Variants in CLDN16 observed in about 807,000 individuals in gnomAD.
The protein encoded by CLDN16 is claudin 16.
A neutral mutation model predicts 24.6 loss-of-function variants in CLDN16; 13 were observed. That is an observed-to-expected ratio of 0.53 (90% CI 0.34 to 0.84). The LOEUF is 0.84. CLDN16 is among the 40% of genes least tolerant of loss of function. CLDN16 has a pLI of 0.01. For synonymous variants in CLDN16, 116 were observed against 106.7 expected (o/e 1.09, Z -0.54); for missense variants, 298 against 292.7 (o/e 1.02, Z -0.13).
chr3:190,377,996 G>A (rs935930281), intron 3 of CLDN16, among the ~76,000 whole-genome samples: 2 of 151,922 alleles, frequency 1.3e-5, no homozygotes, highest in Admixed American at 6.6e-5. Flanking sequence ...AGTCTATATT[G>A]CATAGTGTTA....
chr3:190,397,235 A>G lies in CLDN16; in HGVS notation c.115-5102A>G, dbSNP rs546693548. The stretch of plus-strand genomic sequence containing the variant: ...CCTACCTCTCTCCATTTAGCAGGTA[A>G]TCCACTCTTCACTTTTGGGAACAAT... On this transcript the variant is annotated intron_variant, in intron 1 of 4. Coordinates refer to ENST00000264734, the MANE Select transcript of CLDN16 (RefSeq NM_006580.4). Among the ~76,000 whole-genome samples, 6 of 152,336 alleles carry G rather than the reference A, an allele frequency of 3.9e-5. No individual in the cohort carries two copies. The South Asian group carries it at 1.2e-3, about 32-fold the overall frequency.
chr3:190,301,853 C>T, the CLDN16 span, among the ~76,000 whole-genome samples: 4 of 152,152 alleles, frequency 2.6e-5, no homozygotes. Flanking sequence ...TACTTACGGT[C>T]TATTTTTCAA....
upstream of CLDN16, among the ~76,000 whole-genome samples, chr3:190,383,558 G>A (rs978142949): frequency 5.9e-5 from 9 of 152,132 alleles, no homozygotes; most frequent in African/African-American, 2.2e-4. Flanking sequence ...CGGTATCTTT[G>A]TGCTTTGAAA....
intron 1 of CLDN16, among the ~76,000 whole-genome samples, chr3:190,400,326 A>G (rs2108668154): frequency 6.6e-6 from 1 of 151,744 alleles, no homozygotes; most frequent in East Asian, 2.0e-4. Context: ...GCAACATCCG[A>G]CTCAGTGGTT....
the CLDN16 span, among the ~76,000 whole-genome samples, chr3:190,295,044 A>T: frequency 6.6e-6 from 1 of 152,132 alleles, no homozygotes; most frequent in Non-Finnish European, 1.5e-5. Flanking sequence ...TCGAAATTAT[A>T]AAAATTAAGA....
intron 1 of CLDN16, among the ~76,000 whole-genome samples, chr3:190,368,403 G>T (rs893089568): frequency 6.6e-6 from 1 of 151,944 alleles, no homozygotes; most frequent in African/African-American, 2.4e-5. Flanking sequence ...TTAGCCAACA[G>T]CTTGAGATCC....
intron 1 of CLDN16, among the ~76,000 whole-genome samples, chr3:190,353,550 A>C (rs1366351803): frequency 6.6e-6 from 1 of 152,146 alleles, no homozygotes; most frequent in African/African-American, 2.4e-5. Flanking sequence ...AGTTGTGATC[A>C]AGATGAAATA....
chr3:190,293,220 C>A, the CLDN16 span, among the ~76,000 whole-genome samples: 1 of 152,220 alleles, frequency 6.6e-6, no homozygotes, highest in South Asian at 2.1e-4. Flanking sequence ...GTAAGAGCAC[C>A]TTATAAAACT....
At chr3:190,360,150 A>T (rs1349596968) in intron 1 of CLDN16, among the ~76,000 whole-genome samples, 2 of 152,018 alleles carry the variant, frequency 1.3e-5, no homozygotes, top group East Asian at 3.9e-4. Context: ...CCAAGTATAG[A>T]TGCCCAAAGA....
chr3:190,305,250 A>T, the CLDN16 span, among the ~76,000 whole-genome samples: 1 of 152,192 alleles, frequency 6.6e-6, no homozygotes, highest in Admixed American at 6.5e-5. Context: ...TGTGTCAGTT[A>T]TTGATACTTT....
chr3:190,403,792 T>C (rs934826174), intron 2 of CLDN16, among the ~76,000 whole-genome samples: 3 of 152,184 alleles, frequency 2.0e-5, no homozygotes, highest in Admixed American at 1.3e-4. Flanking sequence ...CTTTTTCTTT[T>C]CCCCTCTCTG....
At chr3:190,367,604 C>CG (rs1312291120) in intron 1 of CLDN16, among the ~76,000 whole-genome samples, 1 of 151,918 alleles carries the variant, frequency 6.6e-6, no homozygotes. Context: ...ACAGAACATA[C>CG]GGTCTGCAAA....
At chr3:190,374,408 AG>A (rs1333015429) in intron 2 of CLDN16, 1 of 151,786 alleles carries the variant, frequency 6.6e-6, no homozygotes. Context: ...GACCAGAAAA[AG>A]TTTACAAAGG....
chr3:190,302,739 C>A, the CLDN16 span, among the ~76,000 whole-genome samples: 5 of 147,608 alleles, frequency 3.4e-5, no homozygotes, highest in African/African-American at 1.3e-4. Context: ...TCACTGGAAT[C>A]CAGCCTGAGC....
intron 1 of CLDN16, among the ~76,000 whole-genome samples, chr3:190,400,387 C>T (rs772309446): frequency 2.0e-5 from 3 of 152,078 alleles, no homozygotes; most frequent in Non-Finnish European, 2.9e-5. Context: ...CACGCACCAC[C>T]ACGCCTAGCT....
rs1273573190 is a variant in CLDN16 at position 190,408,459 on chromosome 3, CT to C, written c.533del (p.Leu178TrpfsTer26). ...WLGMAGSLGCFLAGAVLTCCL... is the reference protein window; with the variant it reads ...WLGMAGSLGCXLAGAVLTCCL... The stretch of plus-strand genomic sequence containing the variant: ...TCGGAATGGCTGGGTCTCTGGGTTG[CT>C]TTTTGGCTGGAGCTGTTCTCACCTG... On this transcript the variant is annotated frameshift_variant, in exon 4 of 5. Coordinates refer to ENST00000264734, the MANE Select transcript of CLDN16 (RefSeq NM_006580.4). LOFTEE classifies it high-confidence loss of function. The C allele has an allele frequency of 6.2e-7, 1 of 1,613,856 alleles. No individual in the cohort carries two copies. The highest frequency in any genetic ancestry group is 8.5e-7 in the Non-Finnish European group (1 of 1,179,996).
chr3:190,294,566 A>G, the CLDN16 span, among the ~76,000 whole-genome samples: 8 of 152,180 alleles, frequency 5.3e-5, no homozygotes, highest in African/African-American at 1.9e-4. Flanking sequence ...GTTTCAAAAC[A>G]TGTCCTGTTT....
chr3:190,323,049 A>G (rs1219236716), intron 1 of CLDN16, among the ~76,000 whole-genome samples: 1 of 120,226 alleles, frequency 8.3e-6, no homozygotes, highest in East Asian at 2.8e-4. Context: ...CGCACGGAGC[A>G]TATCCAGTAC....
chr3:190,388,232 G>A lies in CLDN16; in HGVS notation c.-98G>A, dbSNP rs762080532. On this transcript the variant is annotated 5_prime_UTR_variant, in exon 1 of 5. Coordinates refer to ENST00000264734, the MANE Select transcript of CLDN16 (RefSeq NM_006580.4). The stretch of plus-strand genomic sequence containing the variant: ...AGTAAAAGACCAGTATTTTCACATT[G>A]CCAGGTACCAGAAACACAGAAGACT... 36 of 1,613,920 alleles carry A rather than the reference G, an allele frequency of 2.2e-5. No individual in the cohort carries two copies. Among genetic ancestry groups the A allele is most frequent in the Non-Finnish European group, 3.1e-5 (36 of 1,179,998 alleles).
Sources: gnomAD v4.1 joint callset for allele counts (sites outside exome capture counted in the v4.1 genomes callset) on GRCh38, gnomAD v4.1.1 for gene constraint, MANE v1.5 for transcripts, NCBI Gene and HGNC (gene_info 2026-07-23, HGNC 2026-07-21) for gene names.